The following ANGPT2 variants were observed in gnomAD, a reference collection of about 807,000 sequenced individuals.
ANGPT2 encodes the protein angiopoietin 2, also known as angiopoietin-2.
A neutral mutation model predicts 62.9 loss-of-function variants in ANGPT2; 28 were observed. That is an observed-to-expected ratio of 0.44 (90% CI 0.33 to 0.61). The LOEUF is 0.61. Ranked by LOEUF, ANGPT2 falls within the 20% of genes least tolerant of loss-of-function variation. The probability of loss-of-function intolerance (pLI) is 0.03; values close to 1 mark genes in which losing one functional copy is unlikely to be tolerated. For missense variants in ANGPT2, 727 were observed against 594.9 expected, an observed-to-expected ratio of 1.22 and a Z score of -2.31; for synonymous variants, 284 against 207.8, an observed-to-expected ratio of 1.37 and a Z score of -3.15.
Position 6,501,895 on chromosome 8 carries a change from T to C in ANGPT2, c.*1206A>G, listed in dbSNP as rs1812268671. 6.6e-6 allele frequency: 1 copy of C among 151,342 alleles called. No homozygotes were observed. Among genetic ancestry groups the C allele is most frequent in the Admixed American group, 6.6e-5 (1 of 15,164 alleles). 9.4% of individuals were successfully genotyped at this position (151,342 alleles called of 1,614,324 possible). On this transcript the variant is annotated 3_prime_UTR_variant, in exon 9 of 9. Coordinates refer to ENST00000629816, the MANE Select transcript of ANGPT2 (RefSeq NM_001118887.2). ...TTTTGGTAAATATTTAAATATATTA[T>C]GAACATCAGATTTTGTTTTTGCACT...
intron 5 of ANGPT2, among the ~76,000 whole-genome samples, chr8:6,515,289 G>A (rs144427712): frequency 5.9e-5 from 9 of 152,180 alleles, no homozygotes; most frequent in African/African-American, 9.6e-5. Context: ...TTACATTCTC[G>A]TACTGTGGGG....
intron 5 of ANGPT2, among the ~76,000 whole-genome samples, chr8:6,516,258 C>G (rs926536142): frequency 2.0e-5 from 3 of 152,242 alleles, no homozygotes; most frequent in African/African-American, 7.2e-5. Context: ...ACACACCACT[C>G]TCATCCAAGT....
chr8:6,505,272 G>A lies in ANGPT2; in HGVS notation c.1328-2011C>T, dbSNP rs373564510. 6.5e-3 allele frequency among the ~76,000 whole-genome samples: 142 copies of A among 21,808 alleles called. 12 individuals carry two copies. Among genetic ancestry groups the A allele is most frequent in the East Asian group, 0.016 (7 of 432 alleles). The allele number at this position is 21,808 out of a possible 152,430, so 14.3% of individuals were successfully genotyped here. A position where few individuals can be genotyped will look rare whatever the true frequency, so the allele number is the denominator to read the frequency against. On this transcript the variant is annotated intron_variant, in intron 8 of 8. Coordinates refer to ENST00000629816, the MANE Select transcript of ANGPT2 (RefSeq NM_001118887.2). The stretch of plus-strand genomic sequence containing the variant: ...TTCTTTATATATGTTTTATATATAT[G>A]TATACATATATATGTTATATACATA...
chr8:6,527,377 G>A (rs1458516575), intron 3 of ANGPT2, among the ~76,000 whole-genome samples, 178 bp downstream of exon 3: 1 of 152,258 alleles, frequency 6.6e-6, no homozygotes, highest in African/African-American at 2.4e-5. Flanking sequence ...TGTTAGGAGA[G>A]CTGTGCCTGT....
At chr8:6,560,795 A>G (rs753077269) in intron 1 of ANGPT2, among the ~76,000 whole-genome samples, 19 of 152,246 alleles carry the variant, frequency 1.2e-4, no homozygotes, top group Admixed American at 4.6e-4. Context: ...GAGAAGGGGT[A>G]GTTTACCTAA....
intron 1 of ANGPT2, among the ~76,000 whole-genome samples, chr8:6,536,452 A>G (rs1304985484): frequency 6.6e-6 from 1 of 152,174 alleles, no homozygotes; most frequent in Non-Finnish European, 1.5e-5. Context: ...ATGCCTTCCA[A>G]TTCCAGGCTT....
At chr8:6,503,657 T>C (rs1812652721) in intron 8 of ANGPT2, among the ~76,000 whole-genome samples, 1 of 152,220 alleles carries the variant, frequency 6.6e-6, no homozygotes, top group Admixed American at 6.5e-5. Flanking sequence ...TGGGCTGGAC[T>C]CGCTCAGGCT....
intron 1 of ANGPT2, among the ~76,000 whole-genome samples, chr8:6,543,459 C>G (rs1176660115): frequency 1.3e-5 from 2 of 152,170 alleles, no homozygotes; most frequent in South Asian, 2.1e-4. Flanking sequence ...ACTTGAGACT[C>G]CTGTGAGCAA....
intron 6 of ANGPT2, 137 bp downstream of exon 6, chr8:6,514,540 G>C: frequency 1.4e-6 from 1 of 737,748 alleles, no homozygotes; most frequent in South Asian, 1.7e-5. Context: ...CTTTAAAGGG[G>C]AGACTGAAGC....
intron 2 of ANGPT2, among the ~76,000 whole-genome samples, chr8:6,529,670 G>T (rs1219074077): frequency 7.8e-6 from 1 of 128,882 alleles, no homozygotes; most frequent in Non-Finnish European, 1.6e-5. Context: ...TCACCATGTT[G>T]CTCAAGCTGG....
At chr8:6,504,175 G>A (rs928201561) in intron 8 of ANGPT2, among the ~76,000 whole-genome samples, 4 of 151,832 alleles carry the variant, frequency 2.6e-5, no homozygotes, top group South Asian at 2.1e-4. Flanking sequence ...AAAATTAGCC[G>A]GGCGTGGTGG....
intron 1 of ANGPT2, 135 bp from the exon 2 acceptor site, chr8:6,532,622 T>C (rs5889177): frequency 6.3e-6 from 4 of 630,468 alleles, no homozygotes; most frequent in Non-Finnish European, 7.1e-6. Context: ...CTTGCCTTCC[T>C]TTTGGAATCT....
chr8:6,532,601 A>C (rs1347386240), intron 1 of ANGPT2, 114 bp from the exon 2 acceptor site: 3 of 766,370 alleles, frequency 3.9e-6, no homozygotes, highest in East Asian at 3.1e-5. Flanking sequence ...AATCTATCAA[A>C]AGACTTGTAC....
At chr8:6,532,233 T>G (rs1484638827) in intron 2 of ANGPT2, 99 bp downstream of exon 2, 2 of 1,375,470 alleles carry the variant, frequency 1.5e-6, no homozygotes, top group East Asian at 2.3e-5. Context: ...GGTGGTGCTT[T>G]CTTTAGTTTC....
At chr8:6,531,476 G>C (rs1819501994) in intron 2 of ANGPT2, among the ~76,000 whole-genome samples, 1 of 151,986 alleles carries the variant, frequency 6.6e-6, no homozygotes, top group Non-Finnish European at 1.5e-5. Context: ...TTTTTTAGTA[G>C]AGACGGGTTT....
At chr8:6,507,952 T>G (rs1208789132) in intron 8 of ANGPT2, 2 of 152,172 alleles carry the variant, frequency 1.3e-5, no homozygotes, top group Non-Finnish European at 2.9e-5. Flanking sequence ...TACCAACCCA[T>G]CTGTTTTAAG....
intron 7 of ANGPT2, among the ~76,000 whole-genome samples, chr8:6,511,487 C>T (rs1377751318): frequency 6.6e-6 from 1 of 152,042 alleles, no homozygotes; most frequent in Admixed American, 6.6e-5. Context: ...TCTATTGATG[C>T]ATTTATGCAT....
chr8:6,557,196 G>C (rs1340684638), intron 1 of ANGPT2, among the ~76,000 whole-genome samples: 1 of 152,200 alleles, frequency 6.6e-6, no homozygotes, highest in Non-Finnish European at 1.5e-5. Flanking sequence ...GGATATGCGT[G>C]CTTTCCCGTG....
chr8:6,509,626 A>T (rs540529504), intron 7 of ANGPT2, among the ~76,000 whole-genome samples: 1 of 152,364 alleles, frequency 6.6e-6, no homozygotes, highest in South Asian at 2.1e-4. Context: ...TGAGAAAGGA[A>T]CAAATGTCGG....
Sources: gnomAD v4.1 joint callset for allele counts (sites outside exome capture counted in the v4.1 genomes callset) on GRCh38, gnomAD v4.1.1 for gene constraint, MANE v1.5 for transcripts, NCBI Gene and HGNC (gene_info 2026-07-23, HGNC 2026-07-21) for gene names.